Variants in NEB observed in about 807,000 individuals in gnomAD.
NEB encodes nebulin, also known as nemaline myopathy type 2.
In NEB, 512 loss-of-function variants were observed where a neutral mutation model predicts 952.2. That is an observed-to-expected ratio of 0.54 (90% CI 0.50 to 0.58). The LOEUF is 0.58. Among genes scored for constraint, NEB ranks in the 20% least tolerant of loss-of-function variants. The pLI is 0.00. For synonymous variants in NEB, 2,900 were observed against 3,149.8 expected, an observed-to-expected ratio of 0.92 and a Z score of 2.66; for missense variants, 8,428 against 9,231.1, an observed-to-expected ratio of 0.91 and a Z score of 3.56.
chr2:151,531,308 CTTTTTTTTTTTT>C (rs1159075000), intron 144 of NEB, among the ~76,000 whole-genome samples: 2 of 84,030 alleles, frequency 2.4e-5, no homozygotes, highest in East Asian at 3.8e-4. Context: ...TTTTTTCTTT[CTTTTTTTTTTTT>C]TTTTTTTTTT....
intron 181 of NEB, among the ~76,000 whole-genome samples, chr2:151,488,053 G>A (rs1271935706): frequency 1.3e-5 from 2 of 151,902 alleles, no homozygotes; most frequent in African/African-American, 4.8e-5. Flanking sequence ...CTGGTTACTA[G>A]TCATGGTGAA....
At chr2:151,517,938 T>C (rs2078920771) in intron 156 of NEB, among the ~76,000 whole-genome samples, 1 of 152,214 alleles carries the variant, frequency 6.6e-6, no homozygotes, top group Admixed American at 6.5e-5. Context: ...AGAACTGCTT[T>C]CAGTAGTAGA....
chr2:151,502,739 A>ATTAT, intron 167 of NEB, 54 bp downstream of exon 167: 1 of 961,448 alleles, frequency 1.0e-6, no homozygotes, highest in South Asian at 1.4e-5. Flanking sequence ...GTAAGGTGTT[A>ATTAT]TTATTTTAAA....
rs112960449 is a variant in NEB, at chr2:151,670,491, T to C, written c.4506+532A>G. ...CAGAATGAGACATACAGACGTGGTA[T>C]GAGTCCACGGTGTAAGAGTCCATAC... is the stretch of plus-strand genomic sequence containing the variant. On this transcript the variant is annotated intron_variant, in intron 38 of 181. Transcript: ENST00000397345. 2.7e-3 allele frequency among the ~76,000 whole-genome samples: 391 copies of C among 143,382 alleles called. 1 individual carries two copies. Among genetic ancestry groups the C allele is most frequent in the Non-Finnish European group, 4.8e-3 (323 of 67,756 alleles). 94.1% of individuals were successfully genotyped at this position (143,382 alleles called of 152,430 possible).
At position 151,662,194 on chromosome 2, in the gene NEB, T is replaced by G. The variant is rs1292148505; in HGVS notation, c.5911A>C (p.Thr1971Pro). ...ACCATGTTCATCGAGTCCATGAGTG[T>G]GGAATACTTCAAAGTGTCTGGGTGC... is the stretch of plus-strand genomic sequence containing the variant. ...RQHPDTLKYS[T>P]LMDSMNMVLA... is the part of the protein sequence containing the mutation. The change falls in exon 46 of 182, where the codon ACA becomes CCA. Residue 1971 changes from threonine to proline, a missense_variant. Coordinates refer to ENST00000397345, the MANE Select transcript of NEB (RefSeq NM_001164508.2). The G allele has an allele frequency of 6.2e-7, 1 of 1,613,538 alleles. No individual in the cohort carries two copies. The highest frequency in any genetic ancestry group is 8.5e-7 in the Non-Finnish European group (1 of 1,179,694).
At chr2:151,670,598 C>T (rs1263652872) in intron 38 of NEB, among the ~76,000 whole-genome samples, 2 of 152,168 alleles carry the variant, frequency 1.3e-5, no homozygotes, top group Non-Finnish European at 1.5e-5. Flanking sequence ...CTAAGATTGC[C>T]TCTCAGAACA....
At chr2:151,715,898 C>T (rs1000624910) in intron 10 of NEB, among the ~76,000 whole-genome samples, 18 of 152,094 alleles carry the variant, frequency 1.2e-4, no homozygotes, top group African/African-American at 1.7e-4. Context: ...TGATTATAGA[C>T]GAGTTTGAAA....
In NEB at chr2:151,549,404, C is replaced by T. The variant is rs1208982096; in HGVS notation, c.20049+232G>A. ...CAGCCATGGGCCCTCAGCCAAGGCT[C>T]CCACGAACATTCTGTTCTAACCCAT... On this transcript the variant is annotated intron_variant, in intron 130 of 181. Coordinates refer to ENST00000397345, the MANE Select transcript of NEB (RefSeq NM_001164508.2). Among the ~76,000 whole-genome samples the T allele has an allele frequency of 2.6e-5, 4 of 152,200 alleles. No homozygotes were observed. The East Asian group carries it at 7.7e-4, about 29-fold the overall frequency.
intron 13 of NEB, among the ~76,000 whole-genome samples, chr2:151,700,801 C>T (rs2099644057): frequency 1.5e-5 from 2 of 136,400 alleles, no homozygotes; most frequent in Admixed American, 7.6e-5. Flanking sequence ...ACAATCATGT[C>T]GTCTGCAAAC....
At chr2:151,568,521 G>A (rs2096511664) in intron 111 of NEB, 97 bp downstream of exon 111, 1 of 1,434,370 alleles carries the variant, frequency 7.0e-7, no homozygotes, top group East Asian at 2.3e-5. Context: ...ATTAAAATCT[G>A]TATTTCAGAT....
chr2:151,525,371 C>T (rs2085094800), intron 150 of NEB, 98 bp from the exon 151 acceptor site: 1 of 877,374 alleles, frequency 1.1e-6, no homozygotes, highest in Non-Finnish European at 1.8e-6. Context: ...TCCATGCTCC[C>T]CATTTTGGCG....
chr2:151,706,569 G>A (rs1269146312), intron 13 of NEB, among the ~76,000 whole-genome samples: 4 of 152,068 alleles, frequency 2.6e-5, no homozygotes, highest in Non-Finnish European at 1.5e-5. Context: ...ATCACAACAC[G>A]TCTGCAATGT....
Position 151,682,709 on chromosome 2 carries a change from A to T in NEB, c.2896T>A (p.Ser966Thr), listed in dbSNP as rs371909976. ...MKGCGWVPFG[S>T]LEMEKAKRAS... Reference sequence around the variant, plus strand: ...CGCTTTGCCTTTTCCATTTCTAAGGACCCAAAAGGCACCCAGCCACAACCT... The same window carrying T: ...CGCTTTGCCTTTTCCATTTCTAAGGTCCCAAAAGGCACCCAGCCACAACCT... The change falls in exon 29 of 182, where the codon TCC becomes ACC. Residue 966 changes from serine (S) to threonine (T), a missense_variant. By Grantham distance (58) the Ser-to-Thr change is moderately conservative. Around this residue, in one of 11 missense-constraint regions of NEB, gnomAD observed 2,851 missense variants for 2,791.5 expected, o/e 1.02. Transcript: ENST00000397345. 6.0e-5 allele frequency: 96 copies of T among 1,613,110 alleles called. No homozygotes were observed. The highest frequency in any genetic ancestry group is 7.5e-5 in the Non-Finnish European group (89 of 1,179,524).
chr2:151,625,286 G>A (rs2098499060), intron 71 of NEB, among the ~76,000 whole-genome samples: 1 of 152,034 alleles, frequency 6.6e-6, no homozygotes, highest in Non-Finnish European at 1.5e-5. Context: ...TAGTTGACTT[G>A]AGATATTTTT....
At chr2:151,724,188 C>T in intron 8 of NEB, 72 bp downstream of exon 8, 1 of 1,159,702 alleles carries the variant, frequency 8.6e-7, no homozygotes, top group Admixed American at 2.0e-5. Context: ...ATCAAGAGTT[C>T]ACCAAGTATT....
At position 151,684,137 on chromosome 2, in the gene NEB, G is replaced by A. The variant is rs994932310; in HGVS notation, c.2835+641C>T. Among the ~76,000 whole-genome samples, 4 of 152,096 alleles carry A rather than the reference G, an allele frequency of 2.6e-5. No individual in the cohort carries two copies. In the South Asian group the frequency reaches 8.3e-4, roughly 32 times the overall value. On this transcript the variant is annotated intron_variant, in intron 28 of 181. Coordinates refer to ENST00000397345, the MANE Select transcript of NEB (RefSeq NM_001164508.2). ...GGAAGATGAAAAGGCTCTGCAGATT[G>A]GTTGTACAACAATGTTAATATACTT...
intron 169 of NEB, 139 bp from the exon 170 acceptor site, chr2:151,498,491 C>T: frequency 1.6e-6 from 1 of 620,956 alleles, no homozygotes; most frequent in Non-Finnish European, 2.8e-6. Flanking sequence ...TAGACTCAAC[C>T]TGTTTGTTTG....
intron 9 of NEB, among the ~76,000 whole-genome samples, chr2:151,717,855 CTT>C (rs5835379): frequency 9.3e-5 from 13 of 140,228 alleles, no homozygotes; most frequent in East Asian, 2.1e-4. Context: ...CTCCTTTGTT[CTT>C]TTTTTTTTTT....
chr2:151,627,255 G>T (rs912763190), intron 69 of NEB, 50 bp from the exon 70 acceptor site: 3 of 1,560,160 alleles, frequency 1.9e-6, no homozygotes, highest in East Asian at 2.3e-5. Context: ...GTTTTAACAT[G>T]ATTTCAAAAA....
Sources: gnomAD v4.1 joint callset for allele counts (sites outside exome capture counted in the v4.1 genomes callset) on GRCh38, gnomAD v4.1.1 for gene constraint, gnomAD v4.1.1 regional missense constraint, MANE v1.5 for transcripts, NCBI Gene and HGNC (gene_info 2026-07-23, HGNC 2026-07-21) for gene names.